TSPAN8: variants seen among roughly 807,000 people sequenced by gnomAD.
TSPAN8 encodes tetraspanin 8, also known as tetraspanin-8.
A neutral mutation model predicts 32.8 loss-of-function variants in TSPAN8; 21 were observed. That is an observed-to-expected ratio of 0.64 (90% confidence interval 0.45 to 0.92). The LOEUF is 0.92. Among genes scored for constraint, TSPAN8 ranks in the 40% least tolerant of loss-of-function variants. TSPAN8 has a pLI of 0.00. For synonymous variants in TSPAN8, 95 were observed against 94.6 expected (o/e 1.00, Z -0.03); for missense variants, 269 against 281.9 (o/e 0.95, Z 0.33).
chr12:71,125,784 T>C (rs1871333352), intron 8 of TSPAN8, among the ~76,000 whole-genome samples: 1 of 152,188 alleles, frequency 6.6e-6, no homozygotes, highest in Non-Finnish European at 1.5e-5. Context: ...ATAAAAAGGT[T>C]ATGATCATCT....
In TSPAN8 at chr12:71,144,210, A is replaced by AT; in HGVS notation, c.63dup (p.Cys22MetfsTer17). On this transcript the variant is annotated frameshift_variant, in exon 3 of 9. Coordinates refer to ENST00000247829, the MANE Select transcript of TSPAN8 (RefSeq NM_004616.3). LOFTEE classifies it high-confidence loss of function. ...GCTAATGCTAGGATCAAGATACCAC[A>AT]TAGCTGCAGAAAAAAACAAACAAAC... The AT allele has an allele frequency of 6.2e-7, 1 of 1,610,720 alleles. No individual in the cohort carries two copies. Among genetic ancestry groups the AT allele is most frequent in the African/African-American group, 1.3e-5 (1 of 74,974 alleles).
intron 8 of TSPAN8, among the ~76,000 whole-genome samples, chr12:71,125,744 C>T (rs951364956): frequency 1.3e-5 from 2 of 152,078 alleles, no homozygotes; most frequent in Non-Finnish European, 2.9e-5. Flanking sequence ...GATCTCAGGT[C>T]CCTGGGGGCT....
Position 71,145,232 on chromosome 12 carries a change from A to C in TSPAN8, c.61-1019T>G, listed in dbSNP as rs567206405. ...GGGAAATAGAGTCAAGGGCTCTGTTAAGGAATAGGAAGCACAATGAGTAGT... is the reference window on the plus strand; with the variant it reads ...GGGAAATAGAGTCAAGGGCTCTGTTCAGGAATAGGAAGCACAATGAGTAGT... On this transcript the variant is annotated intron_variant, in intron 2 of 8. Transcript: ENST00000247829. Among the ~76,000 whole-genome samples the C allele has an allele frequency of 9.2e-5, 14 of 152,242 alleles. No individual in the cohort carries two copies. In the East Asian group the frequency reaches 2.7e-3, roughly 29 times the overall value.
At chr12:71,136,492 A>G (rs986342624) in intron 6 of TSPAN8, among the ~76,000 whole-genome samples, 1 of 152,206 alleles carries the variant, frequency 6.6e-6, no homozygotes, top group African/African-American at 2.4e-5. Context: ...CATGACATGC[A>G]TATATTCAGA....
In TSPAN8 at chr12:71,139,809, C is replaced by A; in HGVS notation, c.163G>T (p.Ala55Ser). Reference protein sequence around the residue: ...SEDVGSSSYVAVDILIAVGAI... With the variant: ...SEDVGSSSYVSVDILIAVGAI... ...CCTACAGCAATCAATATGTCCACAGCAACGTAGGAGCTAGAGCCTACATCT... is the reference window on the plus strand; with the variant it reads ...CCTACAGCAATCAATATGTCCACAGAAACGTAGGAGCTAGAGCCTACATCT... Residue 55 changes from alanine to serine, a missense_variant, in exon 4 of 9, where the codon GCT becomes TCT. Coordinates refer to ENST00000247829, the MANE Select transcript of TSPAN8 (RefSeq NM_004616.3). 1 of 1,613,810 alleles carries A rather than the reference C, an allele frequency of 6.2e-7. No individual in the cohort carries two copies. Among genetic ancestry groups the A allele is most frequent in the Non-Finnish European group, 8.5e-7 (1 of 1,179,818 alleles).
At chr12:71,154,061 C>A (rs1257647374) in intron 2 of TSPAN8, among the ~76,000 whole-genome samples, 2 of 152,056 alleles carry the variant, frequency 1.3e-5, no homozygotes, top group African/African-American at 4.8e-5. Context: ...GTAATCCCAG[C>A]ACTTTAGGAG....
intron 3 of TSPAN8, 105 bp from the exon 4 acceptor site, chr12:71,139,953 C>CA: frequency 8.9e-7 from 1 of 1,123,842 alleles, no homozygotes; most frequent in Non-Finnish European, 1.2e-6. Context: ...AAGTCCTGTG[C>CA]CAGGACCCTG....
chr12:71,144,683 AG>A (rs1402294771), intron 2 of TSPAN8, among the ~76,000 whole-genome samples: 1 of 152,158 alleles, frequency 6.6e-6, no homozygotes, highest in Non-Finnish European at 1.5e-5. Flanking sequence ...GTTGGGATAG[AG>A]GGGGAAAAAG....
At chr12:71,136,172 A>G (rs1871690091) in intron 6 of TSPAN8, among the ~76,000 whole-genome samples, 1 of 150,298 alleles carries the variant, frequency 6.7e-6, no homozygotes, top group South Asian at 2.1e-4. Context: ...TAGGAGTCGA[A>G]CAATAGCCAT....
chr12:71,156,929 T>G (rs1035525779), intron 2 of TSPAN8: 5 of 152,214 alleles, frequency 3.3e-5, no homozygotes, highest in Non-Finnish European at 7.3e-5. Context: ...TTGATAGATA[T>G]CAGTTATCAA....
chr12:71,145,066 G>C (rs1444382116), intron 2 of TSPAN8, among the ~76,000 whole-genome samples: 1 of 152,046 alleles, frequency 6.6e-6, no homozygotes, highest in Non-Finnish European at 1.5e-5. Context: ...AGCAGGCCTT[G>C]GGGGACTTAG....
chr12:71,138,312 T>A, intron 4 of TSPAN8, 82 bp from the exon 5 acceptor site: 1 of 1,262,066 alleles, frequency 7.9e-7, no homozygotes, highest in Non-Finnish European at 1.1e-6. Context: ...CACTTCTCTC[T>A]ACAGCTGGGA....
chr12:71,126,753 G>A (rs947110317), intron 8 of TSPAN8, among the ~76,000 whole-genome samples: 4 of 144,196 alleles, frequency 2.8e-5, no homozygotes, highest in Admixed American at 6.9e-5. Flanking sequence ...GGCTCTCAGT[G>A]TGTAGCACTT....
chr12:71,149,530 T>G (rs1028355292), intron 2 of TSPAN8, among the ~76,000 whole-genome samples: 17 of 152,184 alleles, frequency 1.1e-4, no homozygotes, highest in Non-Finnish European at 2.9e-5. Context: ...CAATCATGGT[T>G]TTTAAAAAAT....
chr12:71,155,240 T>C (rs1872388524), intron 2 of TSPAN8, among the ~76,000 whole-genome samples: 1 of 152,162 alleles, frequency 6.6e-6, no homozygotes, highest in African/African-American at 2.4e-5. Flanking sequence ...TTTGAACCAC[T>C]TAATGAACTA....
In TSPAN8 at chr12:71,144,171, C is replaced by T. The variant is rs17849952; in HGVS notation, c.103G>A (p.Val35Ile). The T allele has an allele frequency of 0.012, 19,184 of 1,611,794 alleles. 141 individuals carry two copies. Among genetic ancestry groups the T allele is most frequent in the Non-Finnish European group, 0.013 (15,805 of 1,179,056 alleles). ...LILALAIWVR[V>I]SNDSQAIFGS... Reference sequence around the variant, plus strand: ...CTTACTGCTTGAGAGTCATTGCTTACTCGTACCCATATTGCTAATGCTAGG... The same window carrying T: ...CTTACTGCTTGAGAGTCATTGCTTATTCGTACCCATATTGCTAATGCTAGG... Residue 35 changes from valine to isoleucine, a missense_variant, in exon 3 of 9, where the codon GTA becomes ATA. Transcript: ENST00000247829.
intron 4 of TSPAN8, chr12:71,139,056 C>T: frequency 2.2e-6 from 1 of 454,494 alleles, no homozygotes; most frequent in Non-Finnish European, 4.4e-6. Context: ...TTATCCTCCT[C>T]AATGCTCTCT....
chr12:71,157,969 T>C lies in TSPAN8; in HGVS notation c.-149A>G. 1 of 366,864 alleles carries C rather than the reference T, an allele frequency of 2.7e-6. No individual in the cohort carries two copies. The highest frequency in any genetic ancestry group is 5.0e-6 in the Non-Finnish European group (1 of 201,154). 22.7% of individuals were successfully genotyped at this position (366,864 alleles called of 1,614,324 possible). On this transcript the variant is annotated 5_prime_UTR_variant, in exon 1 of 9. Transcript: ENST00000247829. ...CAAAGGCTATCTCCAGGCAAGTATG[T>C]TCCTTTGCTTGTCATAGCTCCTGGG...
At chr12:71,141,500 A>G (rs1054992105) in intron 3 of TSPAN8, among the ~76,000 whole-genome samples, 2 of 151,338 alleles carry the variant, frequency 1.3e-5, no homozygotes, top group African/African-American at 4.9e-5. Context: ...TAGCTGGGTT[A>G]TCAGAACTTA....
Sources: gnomAD v4.1 joint callset for allele counts (sites outside exome capture counted in the v4.1 genomes callset) on GRCh38, gnomAD v4.1.1 for gene constraint, MANE v1.5 for transcripts, NCBI Gene and HGNC (gene_info 2026-07-23, HGNC 2026-07-21) for gene names.